SNRK: variants seen among roughly 807,000 people sequenced by gnomAD.
SNRK encodes the protein SNF-related serine/threonine-protein kinase.
A neutral mutation model predicts 48.2 loss-of-function variants in SNRK; 3 were observed. The observed-to-expected ratio is 0.06, with a 90% confidence interval of 0.03 to 0.16. The LOEUF (loss-of-function observed/expected upper bound fraction) is 0.16. SNRK is among the 10% of genes least tolerant of loss of function. The pLI is 1.00. For synonymous variants in SNRK, 376 were observed against 366.1 expected (o/e 1.03, Z -0.31); for missense variants, 627 against 976.0 (o/e 0.64, Z 4.76).
At chr3:43,305,631 CT>C (rs2090931912) in intron 3 of SNRK, among the ~76,000 whole-genome samples, 1 of 151,856 alleles carries the variant, frequency 6.6e-6, no homozygotes, top group Non-Finnish European at 1.5e-5. Context: ...TACCGGCCCC[CT>C]GCCACCACGC....
chr3:43,340,081 C>G (rs1457265687), intron 4 of SNRK, among the ~76,000 whole-genome samples: 2 of 151,706 alleles, frequency 1.3e-5, no homozygotes, highest in African/African-American at 4.8e-5. Flanking sequence ...GTGCATTTGG[C>G]TTATCAGCGT....
intron 3 of SNRK, among the ~76,000 whole-genome samples, chr3:43,321,108 G>A (rs2091050279): frequency 6.6e-6 from 1 of 152,002 alleles, no homozygotes; most frequent in South Asian, 2.1e-4. Flanking sequence ...TGTATTATCA[G>A]TGTCAGTAAA....
intron 3 of SNRK, among the ~76,000 whole-genome samples, chr3:43,326,563 C>T (rs1379318478): frequency 1.3e-5 from 2 of 151,996 alleles, no homozygotes; most frequent in Non-Finnish European, 2.9e-5. Context: ...GTTAGGTAGC[C>T]CAGGTTTCTG....
chr3:43,341,921 C>T (rs1442722242), intron 5 of SNRK, among the ~76,000 whole-genome samples: 2 of 152,304 alleles, frequency 1.3e-5, no homozygotes, highest in East Asian at 3.9e-4. Flanking sequence ...CTATAAGTTT[C>T]CAAATGTATT....
intron 3 of SNRK, among the ~76,000 whole-genome samples, chr3:43,323,352 G>T (rs2091070074): frequency 6.6e-6 from 1 of 152,170 alleles, no homozygotes; most frequent in South Asian, 2.1e-4. Context: ...ACATAATATG[G>T]CATATAAGCA....
chr3:43,341,168 T>G (rs1403367423), intron 5 of SNRK, among the ~76,000 whole-genome samples: 1 of 151,996 alleles, frequency 6.6e-6, no homozygotes, highest in Admixed American at 6.5e-5. Context: ...TTTTTTTTTT[T>G]GAGATGGAGT....
chr3:43,287,257 A>G (rs2090773125), intron 1 of SNRK, among the ~76,000 whole-genome samples: 1 of 152,158 alleles, frequency 6.6e-6, no homozygotes. Flanking sequence ...GGAGAGCTAG[A>G]ATTTTTGCAG....
intron 4 of SNRK, 45 bp from the exon 5 acceptor site, chr3:43,340,242 C>T (rs2091224981): frequency 6.9e-7 from 1 of 1,444,788 alleles, no homozygotes; most frequent in Non-Finnish European, 9.7e-7. Context: ...ATTACTGATC[C>T]TTGCAAGCAG....
intron 1 of SNRK, among the ~76,000 whole-genome samples, chr3:43,288,284 C>T (rs1284290703): frequency 6.6e-6 from 1 of 152,210 alleles, no homozygotes; most frequent in Non-Finnish European, 1.5e-5. Flanking sequence ...TCATTTTGTG[C>T]ACAAAAATTA....
In SNRK at chr3:43,347,412, G is replaced by A. The variant is rs776443103; in HGVS notation, c.1153G>A (p.Ala385Thr). 61 of 1,613,434 alleles carry A rather than the reference G, an allele frequency of 3.8e-5. No individual in the cohort carries two copies. Among genetic ancestry groups the A allele is most frequent in the African/African-American group, 1.7e-4 (13 of 74,862 alleles). ...DDLTATPLSHATVPQSPARAA... is the reference protein window; with the variant it reads ...DDLTATPLSHTTVPQSPARAA... ...CCTCACGGCCACTCCTTTGTCCCAC[G>A]CGACTGTCCCTCAGTCTCCTGCTCG... The change falls in exon 7 of 7, where the codon GCG (alanine) becomes ACG (threonine). Residue 385 changes from alanine (A) to threonine (T), a missense_variant. By Grantham distance (58) the Ala-to-Thr change is moderately conservative. This residue lies in a region of SNRK where 175 missense variants were observed against 209.7 expected (regional missense o/e 0.83). Transcript: ENST00000296088. The surrounding 1 kb of genome is among the most constrained non-coding windows in gnomAD (Gnocchi z 5.4).
chr3:43,345,405 G>A (rs1384974753), intron 6 of SNRK, among the ~76,000 whole-genome samples: 1 of 152,206 alleles, frequency 6.6e-6, no homozygotes, highest in Non-Finnish European at 1.5e-5. Flanking sequence ...GATGGAGGAA[G>A]AAGGGTCAGG....
At chr3:43,343,998 C>G (rs2091256517) in intron 6 of SNRK, among the ~76,000 whole-genome samples, 1 of 152,096 alleles carries the variant, frequency 6.6e-6, no homozygotes, top group Admixed American at 6.5e-5. Context: ...CTTAACCTCT[C>G]TATGACTTAG....
At chr3:43,319,845 A>G (rs2091040858) in intron 3 of SNRK, among the ~76,000 whole-genome samples, 2 of 152,190 alleles carry the variant, frequency 1.3e-5, no homozygotes, top group South Asian at 2.1e-4. Context: ...GTTATATTTA[A>G]TGAGTCCTAG....
chr3:43,341,054 T>C (rs1279866790), intron 5 of SNRK, among the ~76,000 whole-genome samples: 1 of 152,002 alleles, frequency 6.6e-6, no homozygotes. Context: ...ATATTTATTA[T>C]CTGGCCCTTG....
At chr3:43,337,097 G>GGA (rs2091195852) in intron 4 of SNRK, among the ~76,000 whole-genome samples, 1 of 150,140 alleles carries the variant, frequency 6.7e-6, no homozygotes, top group Non-Finnish European at 1.5e-5. Flanking sequence ...TTTTTGAGGT[G>GGA]GAGTCTCGAT....
chr3:43,325,523 CAAACTA>C (rs2091090489), intron 3 of SNRK, among the ~76,000 whole-genome samples: 1 of 152,032 alleles, frequency 6.6e-6, no homozygotes, highest in South Asian at 2.1e-4. Flanking sequence ...CACTAGCTGT[CAAACTA>C]AAACGTTTAG....
intron 3 of SNRK, among the ~76,000 whole-genome samples, chr3:43,314,579 G>A (rs1020944901): frequency 2.0e-5 from 3 of 152,092 alleles, no homozygotes; most frequent in Non-Finnish European, 4.4e-5. Context: ...TCCTATAAAA[G>A]AGTCTTTTAG....
intron 3 of SNRK, among the ~76,000 whole-genome samples, chr3:43,307,713 C>T (rs754433206): frequency 6.6e-6 from 1 of 152,136 alleles, no homozygotes; most frequent in Non-Finnish European, 1.5e-5. Flanking sequence ...CTCTCTCTCT[C>T]TTCTTGGGCT....
chr3:43,320,374 C>T lies in SNRK; in HGVS notation c.590-11795C>T, dbSNP rs183831293. On this transcript the variant is annotated intron_variant, in intron 3 of 6. Transcript: ENST00000296088. ...AACAGAGTTCGTATGCGTCAACTCT[C>T]CACTGACATTTGGAGGCCCTTGTTA... 1.8e-3 allele frequency among the ~76,000 whole-genome samples: 274 copies of T among 152,286 alleles called. 1 individual carries two copies. The highest frequency in any genetic ancestry group is 6.3e-3 in the African/African-American group (260 of 41,540).
Sources: gnomAD v4.1 joint callset for allele counts (sites outside exome capture counted in the v4.1 genomes callset) on GRCh38, gnomAD v4.1.1 for gene constraint, gnomAD v4.1.1 regional missense constraint, Gnocchi (gnomAD v3.1) non-coding constraint, MANE v1.5 for transcripts, NCBI Gene and HGNC (gene_info 2026-07-23, HGNC 2026-07-21) for gene names.